The following POLR3G variants were observed in gnomAD, a reference collection of about 807,000 sequenced individuals.
POLR3G encodes the protein DNA-directed RNA polymerase III subunit RPC7.
A neutral mutation model predicts 30.1 loss-of-function variants in POLR3G; 28 were observed. The ratio of observed to expected loss-of-function variants is 0.93; its 90% CI spans 0.69 to 1.27. The LOEUF (loss-of-function observed/expected upper bound fraction) is 1.27, where lower values mean the gene tolerates loss of function less well. Among genes scored for constraint, POLR3G ranks in the 50% most tolerant of loss-of-function variants. POLR3G has a pLI of 0.00. For synonymous variants in POLR3G, 79 were observed against 82.5 expected, an observed-to-expected ratio of 0.96 and a Z score of 0.23; for missense variants, 254 against 264.6, an observed-to-expected ratio of 0.96 and a Z score of 0.28.
intron 7 of POLR3G, among the ~76,000 whole-genome samples, chr5:90,507,998 A>G (rs1203622605): frequency 6.6e-6 from 1 of 152,064 alleles, no homozygotes; most frequent in Non-Finnish European, 1.5e-5. Flanking sequence ...CACACACTAG[A>G]CCAAAGCCAA....
At chr5:90,504,293 G>A (rs1181984041) in intron 6 of POLR3G, among the ~76,000 whole-genome samples, 1 of 152,082 alleles carries the variant, frequency 6.6e-6, no homozygotes, top group Non-Finnish European at 1.5e-5. Context: ...AGGCGCCGTG[G>A]CTCACGCCTG....
chr5:90,486,122 T>C (rs4569906), intron 2 of POLR3G, among the ~76,000 whole-genome samples: 55,862 of 151,998 alleles, frequency 0.37, 10,450 homozygotes, highest in Admixed American at 0.45. Flanking sequence ...CACTGAACTT[T>C]TTTTGCTTAT....
intron 6 of POLR3G, among the ~76,000 whole-genome samples, chr5:90,503,197 TAAC>T: frequency 6.6e-6 from 1 of 152,324 alleles, no homozygotes; most frequent in Middle Eastern, 3.4e-3. Flanking sequence ...TAAGAGTTCA[TAAC>T]AACAAGGAGA....
intron 1 of POLR3G, among the ~76,000 whole-genome samples, chr5:90,475,468 CCTT>C (rs1750752646): frequency 1.1e-5 from 1 of 89,352 alleles, no homozygotes; most frequent in Non-Finnish European, 2.1e-5. Context: ...CTATATCCAC[CCTT>C]TTTTTAATTT....
chr5:90,492,041 T>C (rs994355816), intron 3 of POLR3G, among the ~76,000 whole-genome samples: 1 of 152,230 alleles, frequency 6.6e-6, no homozygotes, highest in Non-Finnish European at 1.5e-5. Flanking sequence ...TTGCTCATAA[T>C]GTCTAAAATT....
chr5:90,510,706 A>C (rs1473933746), intron 7 of POLR3G, among the ~76,000 whole-genome samples: 3 of 152,188 alleles, frequency 2.0e-5, no homozygotes, highest in Admixed American at 6.5e-5. Context: ...AGCCAGGCCA[A>C]CTTTCCAGAG....
chr5:90,487,517 G>A (rs746639644), intron 2 of POLR3G, among the ~76,000 whole-genome samples: 35 of 148,154 alleles, frequency 2.4e-4, no homozygotes, highest in Non-Finnish European at 4.8e-4. Context: ...TCAGCCTCCC[G>A]AGTAGCTGGG....
intron 1 of POLR3G, among the ~76,000 whole-genome samples, chr5:90,479,498 G>A (rs1751016118): frequency 6.6e-6 from 1 of 151,926 alleles, no homozygotes; most frequent in South Asian, 2.1e-4. Flanking sequence ...AACAACAAAC[G>A]AAAAACATAG....
At position 90,495,672 on chromosome 5, in the gene POLR3G, C is replaced by T. The variant is rs567592223; in HGVS notation, c.248-5C>T. Reference sequence around the variant, plus strand: ...TAATGAGTTCTTTATTCTTTTTTCCCCTAGATATTGAAAGGTATAGTAAAA... The same window carrying T: ...TAATGAGTTCTTTATTCTTTTTTCCTCTAGATATTGAAAGGTATAGTAAAA... On this transcript the variant is annotated splice_polypyrimidine_tract_variant and splice_region_variant and intron_variant, in intron 3 of 7. Transcript: ENST00000651687. 7 of 1,599,684 alleles carry T rather than the reference C, an allele frequency of 4.4e-6. No homozygotes were observed. The highest frequency in any genetic ancestry group is 1.7e-4 in the Middle Eastern group (1 of 6,014).
chr5:90,509,906 A>G (rs1752655710), intron 7 of POLR3G, among the ~76,000 whole-genome samples: 1 of 152,198 alleles, frequency 6.6e-6, no homozygotes, highest in Non-Finnish European at 1.5e-5. Context: ...GAATGGTATA[A>G]TCATGTTTAT....
At chr5:90,474,376 T>C, upstream of POLR3G, 1 of 1,293,440 alleles carries the variant, frequency 7.7e-7, no homozygotes, top group East Asian at 2.4e-5. Context: ...ACTGCGGCTG[T>C]GTGAAGCGGT....
chr5:90,506,585 G>A lies in POLR3G; in HGVS notation c.496G>A (p.Gly166Arg). The A allele has an allele frequency of 6.2e-7, 1 of 1,613,088 alleles. No individual in the cohort carries two copies. The highest frequency in any genetic ancestry group is 8.5e-7 in the Non-Finnish European group (1 of 1,179,484). The change falls in exon 7 of 8, where the codon GGA becomes AGA. Residue 166 changes from glycine to arginine, a missense_variant. Transcript: ENST00000651687. ...KSDEENEEKEGSKEKSKEGDD... is the reference protein window; with the variant it reads ...KSDEENEEKERSKEKSKEGDD... ...AGATGAGGAAAATGAAGAGAAAGAA[G>A]GAAGCAAAGAGAAAAGTAAAGAAGG...
At chr5:90,493,991 G>A (rs1751865693) in intron 3 of POLR3G, among the ~76,000 whole-genome samples, 1 of 151,952 alleles carries the variant, frequency 6.6e-6, no homozygotes, top group Admixed American at 6.6e-5. Flanking sequence ...GATTACAGGT[G>A]TGAGCCACTG....
intron 2 of POLR3G, among the ~76,000 whole-genome samples, chr5:90,487,541 G>T (rs1368364482): frequency 5.9e-5 from 9 of 151,462 alleles, no homozygotes; most frequent in Admixed American, 5.9e-4. Context: ...ACAGGTGCCC[G>T]CCACCATGCC....
chr5:90,493,676 A>ATTTTTTTGTTTTTTTTTTTTT (rs1751845322), intron 3 of POLR3G, among the ~76,000 whole-genome samples: 1 of 51,420 alleles, frequency 1.9e-5, no homozygotes, highest in Non-Finnish European at 3.9e-5. Context: ...CCACTATTTA[A>ATTTTTTTGTTTTTTTTTTTTT]TTTTTTTTTT....
At chr5:90,502,429 T>C in intron 6 of POLR3G, 3 of 840,878 alleles carry the variant, frequency 3.6e-6, no homozygotes, top group Non-Finnish European at 4.3e-6. Flanking sequence ...ATGTATTTTA[T>C]AGAACTTATT....
At chr5:90,478,270 A>G (rs1544958) in intron 1 of POLR3G, among the ~76,000 whole-genome samples, 120,661 of 152,094 alleles carry the variant, frequency 0.79, 48,281 homozygotes, top group African/African-American at 0.89. Flanking sequence ...TTCTGAATAG[A>G]AATTTTCAGG....
chr5:90,494,716 C>G lies in POLR3G; in HGVS notation c.248-961C>G, dbSNP rs151090520. Among the ~76,000 whole-genome samples the G allele has an allele frequency of 3.1e-3, 470 of 152,098 alleles. 2 individuals are homozygous for G. Among genetic ancestry groups the G allele is most frequent in the African/African-American group, 0.011 (436 of 41,504 alleles). On this transcript the variant is annotated intron_variant, in intron 3 of 7. Transcript: ENST00000651687. ...AGAATTGTCTATTCAAATCCTTTACCTCTTTTTAATTGGGTTCCAATAATT... is the reference window on the plus strand; with the variant it reads ...AGAATTGTCTATTCAAATCCTTTACGTCTTTTTAATTGGGTTCCAATAATT...
intron 5 of POLR3G, 129 bp from the exon 6 acceptor site, chr5:90,501,777 T>C (rs1471398867): frequency 2.0e-6 from 2 of 987,328 alleles, no homozygotes; most frequent in African/African-American, 3.3e-5. Context: ...AGAAAATTAA[T>C]TTACTCTGAA....
Sources: gnomAD v4.1 joint callset for allele counts (sites outside exome capture counted in the v4.1 genomes callset) on GRCh38, gnomAD v4.1.1 for gene constraint, MANE v1.5 for transcripts, NCBI Gene and HGNC (gene_info 2026-07-23, HGNC 2026-07-21) for gene names.